Variants in PLCL1 observed in about 807,000 individuals in gnomAD.
PLCL1 encodes phospholipase C like 1 (inactive).
PLCL1 carries 41 observed loss-of-function variants against 84.4 expected under a neutral mutation model. That is an observed-to-expected ratio of 0.49 (90% CI 0.38 to 0.63). PLCL1 has a LOEUF of 0.63. PLCL1 is among the 30% of genes least tolerant of loss of function. The probability of loss-of-function intolerance (pLI) is 0.00; values close to 1 mark genes in which losing one functional copy is unlikely to be tolerated. For synonymous variants in PLCL1, 490 were observed against 488.3 expected (o/e 1.00, Z -0.05); for missense variants, 1,206 against 1,367.8 (o/e 0.88, Z 1.87).
At chr2:197,906,131 G>T (rs1365048785) in intron 1 of PLCL1, among the ~76,000 whole-genome samples, 1 of 152,100 alleles carries the variant, frequency 6.6e-6, no homozygotes, top group African/African-American at 2.4e-5. Flanking sequence ...TAGTCATGAC[G>T]TCTTTCCCCA....
chr2:197,843,369 G>C (rs72920770), intron 1 of PLCL1, among the ~76,000 whole-genome samples: 1 of 152,264 alleles, frequency 6.6e-6, no homozygotes, highest in Non-Finnish European at 1.5e-5. Flanking sequence ...CTAATTAAAA[G>C]AAAACTTATA....
intron 1 of PLCL1, among the ~76,000 whole-genome samples, chr2:198,044,911 G>A (rs1691750313): frequency 6.6e-6 from 1 of 152,082 alleles, no homozygotes; most frequent in Non-Finnish European, 1.5e-5. Context: ...AGCAAGCAAA[G>A]GTGTTAGAAG....
chr2:197,883,034 C>T (rs1687857192), intron 1 of PLCL1, among the ~76,000 whole-genome samples: 1 of 152,058 alleles, frequency 6.6e-6, no homozygotes, highest in Non-Finnish European at 1.5e-5. Context: ...TAATGGTTAA[C>T]TTGATGGGGG....
chr2:197,807,262 T>G (rs1027434229), intron 1 of PLCL1, among the ~76,000 whole-genome samples: 4 of 152,236 alleles, frequency 2.6e-5, no homozygotes, highest in Non-Finnish European at 5.9e-5. Context: ...CACTTTCTTA[T>G]GTATGCTTCC....
At chr2:198,048,548 T>C (rs898053766) in intron 1 of PLCL1, among the ~76,000 whole-genome samples, 3 of 152,164 alleles carry the variant, frequency 2.0e-5, no homozygotes, top group Non-Finnish European at 2.9e-5. Flanking sequence ...CTTCCAGTCA[T>C]GCAGAAGGTG....
At chr2:197,862,194 TCTC>T (rs1687445580) in intron 1 of PLCL1, among the ~76,000 whole-genome samples, 1 of 152,160 alleles carries the variant, frequency 6.6e-6, no homozygotes, top group African/African-American at 2.4e-5. Context: ...TCAACCAGGT[TCTC>T]CTGGTGATGC....
At chr2:197,891,885 C>T (rs1688036336) in intron 1 of PLCL1, among the ~76,000 whole-genome samples, 1 of 152,084 alleles carries the variant, frequency 6.6e-6, no homozygotes, top group African/African-American at 2.4e-5. Flanking sequence ...TTCTAACAAG[C>T]TCCTAAATGA....
intron 1 of PLCL1, among the ~76,000 whole-genome samples, chr2:197,916,335 A>T (rs375922925): frequency 2.0e-5 from 3 of 152,138 alleles, no homozygotes; most frequent in Non-Finnish European, 4.4e-5. Flanking sequence ...ACTGGTTAAG[A>T]TTATAGGCTC....
intron 5 of PLCL1, among the ~76,000 whole-genome samples, chr2:198,105,554 T>A (rs1693454174): frequency 6.6e-6 from 1 of 150,822 alleles, no homozygotes; most frequent in Non-Finnish European, 1.5e-5. Flanking sequence ...GGCAATGAGG[T>A]TTTCGGTGCA....
At chr2:197,920,879 A>G (rs1022961205) in intron 1 of PLCL1, among the ~76,000 whole-genome samples, 2 of 152,248 alleles carry the variant, frequency 1.3e-5, no homozygotes, top group East Asian at 1.9e-4. Context: ...TCCCAGCTCA[A>G]TGAGAAAGGC....
chr2:197,932,922 T>C (rs1160109178), intron 1 of PLCL1, among the ~76,000 whole-genome samples: 1 of 152,244 alleles, frequency 6.6e-6, no homozygotes, highest in Non-Finnish European at 1.5e-5. Flanking sequence ...TGCTTAGGTC[T>C]GCTGGTTTTG....
At chr2:198,040,886 C>T (rs1040212086) in intron 1 of PLCL1, among the ~76,000 whole-genome samples, 1 of 152,086 alleles carries the variant, frequency 6.6e-6, no homozygotes, top group Non-Finnish European at 1.5e-5. Context: ...AACCAAAGGA[C>T]TATGTGAATA....
At chr2:197,963,469 C>T (rs1689664734) in intron 1 of PLCL1, among the ~76,000 whole-genome samples, 1 of 151,928 alleles carries the variant, frequency 6.6e-6, no homozygotes, top group African/African-American at 2.4e-5. Flanking sequence ...TGAGCTCTTA[C>T]ATACTCTGGT....
Position 197,805,112 on chromosome 2 carries a change from G to A in PLCL1, c.13G>A (p.Ala5Thr), listed in dbSNP as rs917732813. MAEGAAGREDPAPPD... is the reference protein window; with the variant it reads MAEGTAGREDPAPPD... ...AACGCTCCAGGCCATGGCCGAGGGC[G>A]CGGCCGGCAGGGAGGATCCGGCGCC... is the stretch of plus-strand genomic sequence containing the variant. Residue 5 changes from alanine (A) to threonine (T), a missense_variant, in exon 1 of 6, where the codon GCG becomes ACG. Physicochemically the swap from Ala to Thr is moderately conservative, Grantham distance 58 (BLOSUM62 0). Transcript: ENST00000428675. This position sits in a 1 kb window ranked among gnomAD's most constrained non-coding sequence, Gnocchi z 4.0. 3.0e-6 allele frequency: 4 copies of A among 1,333,094 alleles called. No homozygotes were observed. The highest frequency in any genetic ancestry group is 3.8e-6 in the Non-Finnish European group (4 of 1,046,736). The allele number at this position is 1,333,094 out of a possible 1,614,324, so 82.6% of individuals were successfully genotyped here.
chr2:197,902,597 G>T (rs945434632), intron 1 of PLCL1, among the ~76,000 whole-genome samples: 14 of 152,304 alleles, frequency 9.2e-5, no homozygotes, highest in Middle Eastern at 3.4e-3. Flanking sequence ...CTAATGGATT[G>T]TTTGCCCAGA....
intron 1 of PLCL1, among the ~76,000 whole-genome samples, chr2:197,937,342 T>G (rs1332551497): frequency 1.3e-5 from 2 of 152,230 alleles, no homozygotes; most frequent in Non-Finnish European, 2.9e-5. Flanking sequence ...GGGGATTGCA[T>G]TGAATCTGTA....
intron 3 of PLCL1, among the ~76,000 whole-genome samples, chr2:198,089,729 A>G (rs1574304196): frequency 6.6e-6 from 1 of 152,228 alleles, no homozygotes; most frequent in East Asian, 1.9e-4. Context: ...TTCTGTTACT[A>G]GGAAATAAGG....
intron 1 of PLCL1, among the ~76,000 whole-genome samples, chr2:197,943,457 CTGTT>C (rs1689203197): frequency 6.6e-6 from 1 of 151,968 alleles, no homozygotes; most frequent in Non-Finnish European, 1.5e-5. Flanking sequence ...TCGTTTTTAA[CTGTT>C]TGTTCTGGTA....
chr2:198,123,006 G>A (rs188059366), intron 5 of PLCL1, among the ~76,000 whole-genome samples: 19 of 152,128 alleles, frequency 1.2e-4, no homozygotes, highest in African/African-American at 3.9e-4. Context: ...GTGTGGACCC[G>A]CAGTCCTTGT....
Sources: gnomAD v4.1 joint callset for allele counts (sites outside exome capture counted in the v4.1 genomes callset) on GRCh38, gnomAD v4.1.1 for gene constraint, Gnocchi (gnomAD v3.1) non-coding constraint, MANE v1.5 for transcripts, NCBI Gene and HGNC (gene_info 2026-07-23, HGNC 2026-07-21) for gene names.